The following EXOC4 variants were observed in gnomAD, a reference collection of about 807,000 sequenced individuals.
EXOC4 encodes exocyst complex component 4.
In EXOC4, 71 loss-of-function variants were observed where a neutral mutation model predicts 107.2. The ratio of observed to expected loss-of-function variants is 0.66; its 90% CI spans 0.55 to 0.81. EXOC4 has a LOEUF of 0.81. Ranked by LOEUF, EXOC4 falls within the 30% of genes least tolerant of loss-of-function variation. The pLI, the probability that EXOC4 is intolerant of heterozygous loss-of-function variation, is 0.00. For missense variants in EXOC4, 1,108 were observed against 1,189.6 expected (o/e 0.93, Z 1.01); for synonymous variants, 456 against 441.2 (o/e 1.03, Z -0.42).
intron 7 of EXOC4, among the ~76,000 whole-genome samples, chr7:133,380,180 T>G (rs970814119): frequency 1.3e-5 from 2 of 151,488 alleles, no homozygotes; most frequent in African/African-American, 4.9e-5. Context: ...ATGTCACATG[T>G]ATACATATGT....
At chr7:133,394,653 T>C (rs1796931107) in intron 7 of EXOC4, among the ~76,000 whole-genome samples, 1 of 152,170 alleles carries the variant, frequency 6.6e-6, no homozygotes, top group South Asian at 2.1e-4. Flanking sequence ...TACAGAACCA[T>C]GCTAACATCA....
chr7:133,503,350 A>G (rs1299914147), intron 9 of EXOC4, among the ~76,000 whole-genome samples: 2 of 152,218 alleles, frequency 1.3e-5, no homozygotes, highest in African/African-American at 2.4e-5. Flanking sequence ...CGTCATTTAT[A>G]TAATCAGAGA....
chr7:133,870,669 G>T (rs780796308), intron 11 of EXOC4, among the ~76,000 whole-genome samples: 1 of 152,164 alleles, frequency 6.6e-6, no homozygotes, highest in Non-Finnish European at 1.5e-5. Flanking sequence ...ACAAGACCTC[G>T]CTTAGAGAGT....
chr7:133,558,902 A>G (rs1036349965), intron 9 of EXOC4, among the ~76,000 whole-genome samples: 1 of 152,232 alleles, frequency 6.6e-6, no homozygotes, highest in Non-Finnish European at 1.5e-5. Context: ...ATGACCAACC[A>G]TATTAGCCTT....
intron 11 of EXOC4, among the ~76,000 whole-genome samples, chr7:133,880,462 A>G (rs1385351579): frequency 6.6e-6 from 1 of 152,182 alleles, no homozygotes; most frequent in African/African-American, 2.4e-5. Flanking sequence ...TTTCCTATTC[A>G]TTGATCTATT....
chr7:133,964,424 A>G lies in EXOC4; in HGVS notation c.2206+26355A>G, dbSNP rs552382916. 5.3e-5 allele frequency among the ~76,000 whole-genome samples: 8 copies of G among 151,908 alleles called. No homozygotes were observed. The South Asian group carries it at 1.7e-3, about 32-fold the overall frequency. On this transcript the variant is annotated intron_variant, in intron 14 of 17. Coordinates refer to ENST00000253861, the MANE Select transcript of EXOC4 (RefSeq NM_021807.4). Reference sequence around the variant, plus strand: ...TACACGGGCCATGGTGGTTTGCTGCACCCATCAACCGGTCATCTACATTAG... The same window carrying G: ...TACACGGGCCATGGTGGTTTGCTGCGCCCATCAACCGGTCATCTACATTAG...
chr7:133,418,994 TTCAAAG>T (rs1797542093), intron 7 of EXOC4, among the ~76,000 whole-genome samples: 1 of 152,180 alleles, frequency 6.6e-6, no homozygotes, highest in South Asian at 2.1e-4. Flanking sequence ...TTGACTATGT[TTCAAAG>T]TCATAAAGTG....
intron 2 of EXOC4, among the ~76,000 whole-genome samples, chr7:133,277,800 C>T (rs900275770): frequency 6.6e-6 from 1 of 152,122 alleles, no homozygotes; most frequent in Non-Finnish European, 1.5e-5. Flanking sequence ...TTGTTTTTGA[C>T]AATTTTGTAC....
intron 9 of EXOC4, among the ~76,000 whole-genome samples, chr7:133,606,042 A>C (rs1446781636): frequency 6.6e-6 from 1 of 151,464 alleles, no homozygotes; most frequent in Non-Finnish European, 1.5e-5. Flanking sequence ...TGCTAGATCC[A>C]ATAAGAAAAT....
chr7:133,775,012 C>T (rs1469451590), intron 10 of EXOC4, among the ~76,000 whole-genome samples: 1 of 152,054 alleles, frequency 6.6e-6, no homozygotes, highest in Non-Finnish European at 1.5e-5. Context: ...GAATAGAGCA[C>T]TGTCTTTACC....
chr7:133,415,209 A>G (rs906868196), intron 7 of EXOC4, among the ~76,000 whole-genome samples: 2 of 141,732 alleles, frequency 1.4e-5, no homozygotes, highest in African/African-American at 5.2e-5. Context: ...TTCACTTTGT[A>G]GCTATTATGA....
At chr7:133,978,949 A>G (rs1043533692) in intron 14 of EXOC4, among the ~76,000 whole-genome samples, 11 of 152,238 alleles carry the variant, frequency 7.2e-5, no homozygotes. Flanking sequence ...TTGACAACAG[A>G]CAAAGCACAA....
rs1289662708 is a variant in EXOC4, at chr7:134,065,099, T to C, written c.*571T>C. On this transcript the variant is annotated 3_prime_UTR_variant, in exon 18 of 18. Transcript: ENST00000253861. ...TCCCTAACCAAAACAGAACCTCTAA[T>C]TTAGGGCTAGGAATAGAAGTCTTTT... 6.6e-6 allele frequency: 1 copy of C among 152,628 alleles called. No homozygotes were observed. Among genetic ancestry groups the C allele is most frequent in the Non-Finnish European group, 1.5e-5 (1 of 68,032 alleles). 9.5% of individuals were successfully genotyped at this position (152,628 alleles called of 1,614,324 possible).
chr7:133,291,628 C>T (rs1794407882), intron 3 of EXOC4, among the ~76,000 whole-genome samples: 1 of 152,046 alleles, frequency 6.6e-6, no homozygotes, highest in African/African-American at 2.4e-5. Flanking sequence ...AGTGATCTGC[C>T]TGCCTTGGCC....
At chr7:133,430,359 G>A (rs187690456) in intron 7 of EXOC4, among the ~76,000 whole-genome samples, 3 of 152,138 alleles carry the variant, frequency 2.0e-5, no homozygotes, top group Non-Finnish European at 4.4e-5. Context: ...ACATTTGAGC[G>A]GGAAAACGGG....
At chr7:134,049,139 CT>C (rs1795725174) in intron 17 of EXOC4, among the ~76,000 whole-genome samples, 1 of 152,190 alleles carries the variant, frequency 6.6e-6, no homozygotes, top group South Asian at 2.1e-4. Context: ...CTAAAAGTTT[CT>C]GAGTTTCCCA....
chr7:133,853,861 C>T (rs1348066295), intron 11 of EXOC4, among the ~76,000 whole-genome samples: 1 of 152,202 alleles, frequency 6.6e-6, no homozygotes, highest in Non-Finnish European at 1.5e-5. Context: ...AGCCGAGCAG[C>T]CTGTTTGTGC....
chr7:133,314,171 T>C (rs994274490), intron 4 of EXOC4, among the ~76,000 whole-genome samples: 5 of 152,144 alleles, frequency 3.3e-5, no homozygotes, highest in Non-Finnish European at 7.4e-5. Flanking sequence ...TTTTTTTCTG[T>C]TGTGAAATGG....
chr7:134,021,797 C>G (rs1176594782), intron 17 of EXOC4, among the ~76,000 whole-genome samples: 1 of 150,568 alleles, frequency 6.6e-6, no homozygotes, highest in Non-Finnish European at 1.5e-5. Context: ...TTGACACACA[C>G]GGTCAGGGGA....
Sources: allele counts gnomAD v4.1 joint callset (sites outside exome capture counted in the v4.1 genomes callset), GRCh38; gene constraint gnomAD v4.1.1; transcripts MANE v1.5; gene names NCBI Gene and HGNC (gene_info 2026-07-23, HGNC 2026-07-21).